The following ARHGAP22 variants were observed in gnomAD, a reference collection of about 807,000 sequenced individuals.
ARHGAP22 encodes the protein rho GTPase-activating protein 22.
A neutral mutation model predicts 59.1 loss-of-function variants in ARHGAP22; 48 were observed. That is an observed-to-expected ratio of 0.81 (90% CI 0.64 to 1.03). ARHGAP22 has a LOEUF of 1.03. Among genes scored for constraint, ARHGAP22 ranks in the 50% least tolerant of loss-of-function variants. The pLI is 0.00. For missense variants in ARHGAP22, 1,015 were observed against 958.7 expected, an observed-to-expected ratio of 1.06 and a Z score of -0.78; for synonymous variants, 445 against 416.4, an observed-to-expected ratio of 1.07 and a Z score of -0.84.
At chr10:48,588,177 C>T (rs1364031125) in intron 1 of ARHGAP22, among the ~76,000 whole-genome samples, 1 of 151,458 alleles carries the variant, frequency 6.6e-6, no homozygotes, top group African/African-American at 2.4e-5. Context: ...GTATGGGGGG[C>T]CATGTTCACT....
At chr10:48,553,515 A>G (rs959001262) in intron 3 of ARHGAP22, among the ~76,000 whole-genome samples, 5 of 152,054 alleles carry the variant, frequency 3.3e-5, no homozygotes, top group African/African-American at 1.2e-4. Context: ...TGAAGCCCCA[A>G]CTCCGCCACT....
chr10:48,636,318 A>C (rs1435529011), intron 1 of ARHGAP22, among the ~76,000 whole-genome samples: 1 of 152,174 alleles, frequency 6.6e-6, no homozygotes, highest in African/African-American at 2.4e-5. Context: ...CCCTGCATCC[A>C]TGCTGTCTGT....
intron 1 of ARHGAP22, among the ~76,000 whole-genome samples, chr10:48,601,947 T>C (rs930749843): frequency 6.6e-6 from 1 of 152,096 alleles, no homozygotes; most frequent in African/African-American, 2.4e-5. Flanking sequence ...GGTGCAGAGG[T>C]CTTCAGATAG....
Position 48,450,384 on chromosome 10 carries a change from G to C in ARHGAP22, c.1745C>G (p.Pro582Arg), listed in dbSNP as rs756553295. ...CCGGGTGGGGCTGTCCGGCTCGCTG[G>C]GCTCGCTGTTGCTGGCACCCGCGCC... is the stretch of plus-strand genomic sequence containing the variant. ...EAGAGASNSE[P>R]SEPDSPTREH... The change falls in exon 9 of 10, where the codon CCC becomes CGC. Residue 582 changes from proline (P) to arginine (R), a missense_variant. By Grantham distance (103) the Pro-to-Arg change is moderately radical. Coordinates refer to ENST00000249601, the MANE Select transcript of ARHGAP22 (RefSeq NM_021226.4). 1.1e-5 allele frequency: 17 copies of C among 1,576,678 alleles called. No individual in the cohort carries two copies. The highest frequency in any genetic ancestry group is 1.3e-5 in the Non-Finnish European group (15 of 1,161,944).
chr10:48,643,289 C>T (rs189271391), intron 1 of ARHGAP22, among the ~76,000 whole-genome samples: 32 of 152,064 alleles, frequency 2.1e-4, no homozygotes, highest in South Asian at 4.2e-4. Context: ...CACATGCACA[C>T]GCCGCAATAA....
intron 3 of ARHGAP22, among the ~76,000 whole-genome samples, chr10:48,517,179 C>T (rs1364874617): frequency 6.6e-6 from 1 of 152,142 alleles, no homozygotes; most frequent in Non-Finnish European, 1.5e-5. Context: ...AGTTGCATAA[C>T]TCTGTGACTA....
Position 48,459,909 on chromosome 10 carries a change from C to T in ARHGAP22, c.452-18G>A. On this transcript the variant is annotated intron_variant, in intron 4 of 9. Transcript: ENST00000249601. ...AAAGATCCCTGAGCACAGAGAGGAG[C>T]TAGTCACACCCTCCACCACCCAGCT... The T allele has an allele frequency of 6.2e-7, 1 of 1,607,122 alleles. No homozygotes were observed. Among genetic ancestry groups the T allele is most frequent in the Non-Finnish European group, 8.5e-7 (1 of 1,177,078 alleles).
intron 3 of ARHGAP22, among the ~76,000 whole-genome samples, chr10:48,484,506 T>A (rs369897892): frequency 2.0e-5 from 3 of 152,254 alleles, no homozygotes; most frequent in Non-Finnish European, 4.4e-5. Context: ...GAATAAGCTA[T>A]TAAATATTCC....
intron 1 of ARHGAP22, among the ~76,000 whole-genome samples, chr10:48,600,801 C>T (rs72787250): frequency 0.18 from 26,671 of 152,092 alleles, 3,079 homozygotes; most frequent in Middle Eastern, 0.35. Flanking sequence ...GGCTTGGGCA[C>T]CTCTGCTGTC....
intron 2 of ARHGAP22, among the ~76,000 whole-genome samples, chr10:48,581,081 T>G (rs886181841): frequency 6.6e-6 from 1 of 152,148 alleles, no homozygotes; most frequent in Non-Finnish European, 1.5e-5. Context: ...ACACATGTAC[T>G]CTGCCTTCCC....
Position 48,450,241 on chromosome 10 carries a change from TC to T in ARHGAP22, c.1868+19del. On this transcript the variant is annotated intron_variant, in intron 9 of 9. Coordinates refer to ENST00000249601, the MANE Select transcript of ARHGAP22 (RefSeq NM_021226.4). ...CAGGCTCCGCCCCGTCACAGGAGGC[TC>T]CACGGGGCAGCAAGTTACCTTTTCA... 6.2e-7 allele frequency: 1 copy of T among 1,605,236 alleles called. No homozygotes were observed. Among genetic ancestry groups the T allele is most frequent in the Non-Finnish European group, 8.5e-7 (1 of 1,176,516 alleles).
intron 3 of ARHGAP22, among the ~76,000 whole-genome samples, chr10:48,543,903 C>T (rs1048866147): frequency 6.6e-6 from 1 of 152,054 alleles, no homozygotes; most frequent in African/African-American, 2.4e-5. Context: ...GGGCCGATTG[C>T]CTGAGGTCAG....
At chr10:48,627,770 CT>C (rs2061500210) in intron 1 of ARHGAP22, among the ~76,000 whole-genome samples, 2 of 152,318 alleles carry the variant, frequency 1.3e-5, no homozygotes, top group African/African-American at 4.8e-5. Context: ...CTCAGGGCCC[CT>C]GGATGAGGGT....
chr10:48,580,164 C>A (rs947243612), intron 2 of ARHGAP22, among the ~76,000 whole-genome samples: 1 of 152,194 alleles, frequency 6.6e-6, no homozygotes, highest in Non-Finnish European at 1.5e-5. Flanking sequence ...TGCTCCCTGG[C>A]AATAAATGCC....
intron 3 of ARHGAP22, among the ~76,000 whole-genome samples, chr10:48,544,022 G>T (rs967610826): frequency 7.2e-4 from 109 of 152,106 alleles, no homozygotes; most frequent in Non-Finnish European, 1.4e-3. Context: ...TACTTGGGAG[G>T]CTGAGGCAGG....
At chr10:48,585,051 T>C (rs2059347217) in intron 1 of ARHGAP22, among the ~76,000 whole-genome samples, 1 of 151,792 alleles carries the variant, frequency 6.6e-6, no homozygotes, top group African/African-American at 2.4e-5. Flanking sequence ...CATTATAGCT[T>C]GGTGTGTTGG....
rs201666259 is a variant in ARHGAP22, at chr10:48,498,168, TC to T, written c.323-18405del. The stretch of plus-strand genomic sequence containing the variant: ...CTGTTTTCTGAGAAGAAAGATGTGA[TC>T]CTGTGGTGAAAGGAGAAAGCTGGCC... On this transcript the variant is annotated intron_variant, in intron 3 of 9. Coordinates refer to ENST00000249601, the MANE Select transcript of ARHGAP22 (RefSeq NM_021226.4). Among the ~76,000 whole-genome samples the T allele has an allele frequency of 9.1e-3, 1,382 of 152,140 alleles. 8 individuals carry two copies. The highest frequency in any genetic ancestry group is 0.015 in the Admixed American group (237 of 15,296).
Position 48,451,465 on chromosome 10 carries a change from T to C in ARHGAP22, c.989-325A>G, listed in dbSNP as rs762024881. On this transcript the variant is annotated intron_variant, in intron 8 of 9. Coordinates refer to ENST00000249601, the MANE Select transcript of ARHGAP22 (RefSeq NM_021226.4). ...GGCTGCACGGTGAGCAGGTGGCAGGTTGGAACTGGAACCTGGGACCTGAGA... is the reference window on the plus strand; with the variant it reads ...GGCTGCACGGTGAGCAGGTGGCAGGCTGGAACTGGAACCTGGGACCTGAGA... 2.8e-4 allele frequency: 198 copies of C among 702,400 alleles called. 1 individual carries two copies. Among genetic ancestry groups the C allele is most frequent in the Non-Finnish European group, 4.6e-4 (177 of 385,038 alleles). The allele number at this position is 702,400 out of a possible 1,614,324, so 43.5% of individuals were successfully genotyped here. A position where few individuals can be genotyped will look rare whatever the true frequency, so the allele number is the denominator to read the frequency against.
chr10:48,545,353 G>C (rs1201891429), intron 3 of ARHGAP22, among the ~76,000 whole-genome samples: 2 of 152,178 alleles, frequency 1.3e-5, no homozygotes, highest in East Asian at 3.9e-4. Flanking sequence ...TCCCACACCT[G>C]GTCCTGTGCT....
Sources: allele counts gnomAD v4.1 joint callset (sites outside exome capture counted in the v4.1 genomes callset), GRCh38; gene constraint gnomAD v4.1.1; transcripts MANE v1.5; gene names NCBI Gene and HGNC (gene_info 2026-07-23, HGNC 2026-07-21).